The following PTPRO variants were observed in gnomAD, a reference collection of about 807,000 sequenced individuals.
PTPRO encodes the protein protein tyrosine phosphatase receptor type O, also known as receptor-type tyrosine-protein phosphatase O.
PTPRO carries 62 observed loss-of-function variants against 145.2 expected under a neutral mutation model. That is an observed-to-expected ratio of 0.43 (90% CI 0.35 to 0.53). The LOEUF (loss-of-function observed/expected upper bound fraction) is 0.53. Ranked by LOEUF, PTPRO falls within the 20% of genes least tolerant of loss-of-function variation. The pLI, the probability that PTPRO is intolerant of heterozygous loss-of-function variation, is 0.01. For synonymous variants in PTPRO, 565 were observed against 514.7 expected (o/e 1.10, Z -1.32); for missense variants, 1,345 against 1,482.7 (o/e 0.91, Z 1.53).
At chr12:15,448,351 A>AAAAAAAAAAAAAAAAAAAAAAAAAC (rs1259812638) in intron 1 of PTPRO, among the ~76,000 whole-genome samples, 1 of 147,784 alleles carries the variant, frequency 6.8e-6, no homozygotes, top group Non-Finnish European at 1.5e-5. Flanking sequence ...AAAAAAAAAA[A>AAAAAAAAAAAAAAAAAAAAAAAAAC]AAAAAAAAAG....
intron 1 of PTPRO, among the ~76,000 whole-genome samples, chr12:15,389,544 T>C (rs183322227): frequency 1.3e-5 from 2 of 152,262 alleles, no homozygotes; most frequent in Admixed American, 6.5e-5. Context: ...AATAAAGAGA[T>C]TTTGTCTAAC....
intron 1 of PTPRO, among the ~76,000 whole-genome samples, chr12:15,327,383 T>C (rs1866474979): frequency 6.6e-6 from 1 of 152,178 alleles, no homozygotes; most frequent in African/African-American, 2.4e-5. Context: ...CAATTTCAGC[T>C]AGTACCCAGA....
intron 1 of PTPRO, among the ~76,000 whole-genome samples, chr12:15,434,596 T>G (rs925176413): frequency 7.2e-5 from 11 of 152,192 alleles, no homozygotes; most frequent in Non-Finnish European, 1.5e-4. Context: ...TTCCAATGTA[T>G]GTAGGTGTTA....
intron 7 of PTPRO, among the ~76,000 whole-genome samples, chr12:15,512,660 GATA>G (rs1159476071): frequency 6.6e-6 from 1 of 152,086 alleles, no homozygotes; most frequent in Non-Finnish European, 1.5e-5. Context: ...CTTAGTTGTG[GATA>G]ATATGCATCT....
chr12:15,337,831 G>A (rs1866818401), intron 1 of PTPRO, among the ~76,000 whole-genome samples: 1 of 152,178 alleles, frequency 6.6e-6, no homozygotes, highest in Non-Finnish European at 1.5e-5. Flanking sequence ...GTCTCATTCT[G>A]TATGATTCCA....
chr12:15,540,444 T>C (rs978100648), intron 12 of PTPRO, among the ~76,000 whole-genome samples: 1 of 152,246 alleles, frequency 6.6e-6, no homozygotes, highest in Non-Finnish European at 1.5e-5. Context: ...TTAACAATAC[T>C]TTTCTACTTA....
At chr12:15,570,094 A>T (rs1203118359) in intron 19 of PTPRO, among the ~76,000 whole-genome samples, 2 of 152,354 alleles carry the variant, frequency 1.3e-5, no homozygotes, top group East Asian at 3.9e-4. Flanking sequence ...CGAAGGACAC[A>T]TATTTCTTTG....
chr12:15,574,992 A>AC (rs1416722076), intron 19 of PTPRO, among the ~76,000 whole-genome samples: 1 of 151,926 alleles, frequency 6.6e-6, no homozygotes, highest in Non-Finnish European at 1.5e-5. Flanking sequence ...TTAATCCCTA[A>AC]CCCCCAATGC....
intron 4 of PTPRO, among the ~76,000 whole-genome samples, chr12:15,500,262 G>T (rs1350959631): frequency 6.6e-6 from 1 of 152,168 alleles, no homozygotes; most frequent in Non-Finnish European, 1.5e-5. Flanking sequence ...AAGGGATTAT[G>T]ATAGATTACT....
chr12:15,358,392 T>C (rs1406109488), intron 1 of PTPRO, among the ~76,000 whole-genome samples: 1 of 151,986 alleles, frequency 6.6e-6, no homozygotes, highest in Non-Finnish European at 1.5e-5. Context: ...ATAATAATAA[T>C]AAAAAAGATG....
chr12:15,538,520 G>A (rs930649875), intron 12 of PTPRO, among the ~76,000 whole-genome samples: 1 of 152,170 alleles, frequency 6.6e-6, no homozygotes, highest in Non-Finnish European at 1.5e-5. Flanking sequence ...ACCGCGCCCG[G>A]CCCACTTTAG....
chr12:15,418,070 C>T (rs958513189), intron 1 of PTPRO, among the ~76,000 whole-genome samples: 13 of 151,826 alleles, frequency 8.6e-5, no homozygotes, highest in Admixed American at 7.2e-4. Flanking sequence ...TCACTAGGCA[C>T]ACTCTTAATT....
At chr12:15,398,782 A>T (rs554203318) in intron 1 of PTPRO, among the ~76,000 whole-genome samples, 2 of 152,276 alleles carry the variant, frequency 1.3e-5, no homozygotes, top group East Asian at 3.9e-4. Context: ...AATGAAAGTA[A>T]CTATGTACAA....
chr12:15,515,477 T>C (rs1481437138), intron 7 of PTPRO, 21 bp from the exon 8 acceptor site: 4 of 1,613,176 alleles, frequency 2.5e-6, no homozygotes, highest in African/African-American at 2.7e-5. Flanking sequence ...AAATAAATCT[T>C]ATTGGGTGTT....
At chr12:15,517,369 G>A (rs1040401367) in intron 9 of PTPRO, among the ~76,000 whole-genome samples, 5 of 152,052 alleles carry the variant, frequency 3.3e-5, no homozygotes, top group Admixed American at 2.0e-4. Context: ...AGGGTCCCTC[G>A]CACAACACTT....
intron 1 of PTPRO, among the ~76,000 whole-genome samples, chr12:15,451,206 A>C (rs567694496): frequency 5.3e-5 from 8 of 152,248 alleles, no homozygotes; most frequent in Non-Finnish European, 1.2e-4. Context: ...GACAAAGCAA[A>C]CTTTAAAGCA....
At chr12:15,329,252 A>G (rs1866539719) in intron 1 of PTPRO, among the ~76,000 whole-genome samples, 1 of 152,164 alleles carries the variant, frequency 6.6e-6, no homozygotes, top group Non-Finnish European at 1.5e-5. Flanking sequence ...CTGTGCTGAT[A>G]TGTGTCTTGT....
At chr12:15,365,019 G>T (rs998339506) in intron 1 of PTPRO, among the ~76,000 whole-genome samples, 1 of 152,094 alleles carries the variant, frequency 6.6e-6, no homozygotes, top group Non-Finnish European at 1.5e-5. Flanking sequence ...TTCTTCTTCT[G>T]ATTTTGACTC....
chr12:15,542,399 A>T (rs549656095), intron 12 of PTPRO, among the ~76,000 whole-genome samples: 3 of 152,346 alleles, frequency 2.0e-5, no homozygotes, highest in Non-Finnish European at 4.4e-5. Context: ...GCTGCATTCA[A>T]AGCCATTCTG....
Sources: allele counts gnomAD v4.1 joint callset (sites outside exome capture counted in the v4.1 genomes callset), GRCh38; gene constraint gnomAD v4.1.1; transcripts MANE v1.5; gene names NCBI Gene and HGNC (gene_info 2026-07-23, HGNC 2026-07-21).